CCPG1: variants seen among roughly 807,000 people sequenced by gnomAD.
CCPG1 encodes cell cycle progression protein 1.
Under a neutral mutation model 81.3 loss-of-function variants are expected in CCPG1, and 46 were observed. That is an observed-to-expected ratio of 0.57 (90% confidence interval 0.45 to 0.72). CCPG1 has a LOEUF of 0.72. CCPG1 is among the 30% of genes least tolerant of loss of function. The pLI is 0.00. For synonymous variants in CCPG1, 330 were observed against 305.2 expected (o/e 1.08, Z -0.85); for missense variants, 902 against 937.6 (o/e 0.96, Z 0.50).
chr15:55,360,972 T>TA (rs1235000203), intron 7 of CCPG1, 28 bp from the exon 8 acceptor site: 1 of 1,483,300 alleles, frequency 6.7e-7, no homozygotes. Flanking sequence ...AGAGAAGAAA[T>TA]AAAATGTCAA....
At chr15:55,407,037 A>ACAC (rs2057241548) in intron 1 of CCPG1, among the ~76,000 whole-genome samples, 1 of 112,692 alleles carries the variant, frequency 8.9e-6, no homozygotes, top group African/African-American at 4.6e-5. Context: ...ACACGTTGAG[A>ACAC]CCCCCCCCCC....
intron 1 of CCPG1, among the ~76,000 whole-genome samples, chr15:55,400,159 G>C (rs1219819820): frequency 1.6e-5 from 2 of 128,362 alleles, no homozygotes; most frequent in African/African-American, 6.4e-5. Context: ...GCACTGAGCC[G>C]AGATAATACC....
intron 3 of CCPG1, among the ~76,000 whole-genome samples, chr15:55,381,634 G>A (rs542749334): frequency 6.6e-6 from 1 of 152,208 alleles, no homozygotes; most frequent in East Asian, 1.9e-4. Context: ...TCTATTTCTG[G>A]CCTTGACACA....
At chr15:55,383,576 T>C (rs976077565) in intron 3 of CCPG1, among the ~76,000 whole-genome samples, 1 of 152,244 alleles carries the variant, frequency 6.6e-6, no homozygotes, top group African/African-American at 2.4e-5. Context: ...TTGTGTCATC[T>C]ATACTGAAAA....
intron 2 of CCPG1, among the ~76,000 whole-genome samples, chr15:55,386,408 G>T (rs2141305304): frequency 6.6e-6 from 1 of 152,212 alleles, no homozygotes; most frequent in Non-Finnish European, 1.5e-5. Flanking sequence ...CTACTTTGAT[G>T]TCAGACTGTC....
intron 8 of CCPG1, chr15:55,358,595 C>G: frequency 8.1e-6 from 8 of 985,464 alleles, no homozygotes; most frequent in Non-Finnish European, 9.6e-6. Context: ...ATCCTCATTT[C>G]TCTTCCAAAA....
chr15:55,356,167 A>G lies in CCPG1; in HGVS notation c.*53T>C. On this transcript the variant is annotated 3_prime_UTR_variant, in exon 9 of 9. Transcript: ENST00000442196. ...TTCATTAGTTTCAATACCAAACATT[A>G]TACAAAGCATAAATTTTTCTCTTAC... 7.5e-7 allele frequency: 1 copy of G among 1,341,662 alleles called. No homozygotes were observed. Among genetic ancestry groups the G allele is most frequent in the Non-Finnish European group, 1.0e-6 (1 of 991,996 alleles). The allele number at this position is 1,341,662 out of a possible 1,614,324, so 83.1% of individuals were successfully genotyped here.
intron 1 of CCPG1, among the ~76,000 whole-genome samples, chr15:55,407,231 A>ATC (rs1200776802): frequency 3.6e-4 from 54 of 150,652 alleles, no homozygotes; most frequent in African/African-American, 1.3e-3. Context: ...CCTCTCTCAA[A>ATC]AAAAAAAAAA....
intron 1 of CCPG1, among the ~76,000 whole-genome samples, chr15:55,392,521 A>ATT (rs141394309): frequency 3.4e-5 from 5 of 147,968 alleles, no homozygotes; most frequent in African/African-American, 1.2e-4. Flanking sequence ...CCTGGCCATG[A>ATT]TTTTTTTTTT....
At chr15:55,380,734 G>A (rs1350651627) in intron 3 of CCPG1, among the ~76,000 whole-genome samples, 1 of 152,012 alleles carries the variant, frequency 6.6e-6, no homozygotes, top group Admixed American at 6.6e-5. Flanking sequence ...GGGTGCTGGG[G>A]CCAGGCGCGG....
At chr15:55,386,896 CA>C (rs34103245) in intron 2 of CCPG1, among the ~76,000 whole-genome samples, 38 of 143,456 alleles carry the variant, frequency 2.6e-4, no homozygotes, top group African/African-American at 2.6e-4. Flanking sequence ...GACTCCATCT[CA>C]AAAAAAAAAA....
intron 2 of CCPG1, 64 bp downstream of exon 2, chr15:55,389,301 C>G: frequency 8.8e-7 from 1 of 1,134,030 alleles, no homozygotes; most frequent in Admixed American, 1.8e-5. Context: ...TCAAAGAACA[C>G]AGTTTACATC....
At chr15:55,363,336 G>C (rs186654044) in intron 7 of CCPG1, among the ~76,000 whole-genome samples, 1 of 150,938 alleles carries the variant, frequency 6.6e-6, no homozygotes, top group Non-Finnish European at 1.5e-5. Flanking sequence ...GCAACAGAGC[G>C]AGGCTCCATC....
At chr15:55,359,433 C>T (rs1595817609) in intron 8 of CCPG1, 106 bp downstream of exon 8, 1 of 1,472,172 alleles carries the variant, frequency 6.8e-7, no homozygotes, top group Non-Finnish European at 9.0e-7. Context: ...TAAAGCACAA[C>T]TCTTAGAAAC....
intron 1 of CCPG1, among the ~76,000 whole-genome samples, chr15:55,404,810 G>T (rs2057186561): frequency 6.6e-6 from 1 of 152,116 alleles, no homozygotes; most frequent in African/African-American, 2.4e-5. Flanking sequence ...GGTGGCTCAC[G>T]CCTGTAATGC....
At chr15:55,382,001 T>C (rs1475671166) in intron 3 of CCPG1, among the ~76,000 whole-genome samples, 1 of 152,228 alleles carries the variant, frequency 6.6e-6, no homozygotes, top group African/African-American at 2.4e-5. Flanking sequence ...TCTAAAAAAC[T>C]GTACATATCT....
chr15:55,382,000 C>T (rs57648583), intron 3 of CCPG1, among the ~76,000 whole-genome samples: 27,098 of 152,162 alleles, frequency 0.18, 4,188 homozygotes, highest in African/African-American at 0.42. Context: ...GTCTAAAAAA[C>T]TGTACATATC....
intron 6 of CCPG1, among the ~76,000 whole-genome samples, chr15:55,366,478 G>C (rs2056330081): frequency 6.6e-6 from 1 of 151,936 alleles, no homozygotes; most frequent in African/African-American, 2.4e-5. Flanking sequence ...TCCCAACAGT[G>C]ATAAAAGAAT....
chr15:55,404,302 T>C (rs2057176870), intron 1 of CCPG1, among the ~76,000 whole-genome samples: 1 of 152,098 alleles, frequency 6.6e-6, no homozygotes, highest in African/African-American at 2.4e-5. Flanking sequence ...ACACTTGGTG[T>C]TAAGGTAAAC....
Sources: allele counts gnomAD v4.1 joint callset (sites outside exome capture counted in the v4.1 genomes callset), GRCh38; gene constraint gnomAD v4.1.1; transcripts MANE v1.5; gene names NCBI Gene and HGNC (gene_info 2026-07-23, HGNC 2026-07-21).